The following PPP1R12C variants were observed in gnomAD, a reference collection of about 807,000 sequenced individuals.
The protein encoded by PPP1R12C is protein phosphatase 1 regulatory subunit 12C.
In PPP1R12C, 48 loss-of-function variants were observed where a neutral mutation model predicts 95.6. The ratio of observed to expected loss-of-function variants is 0.50; its 90% CI spans 0.40 to 0.64. The LOEUF (loss-of-function observed/expected upper bound fraction) is 0.64, where lower values mean the gene tolerates loss of function less well. Among genes scored for constraint, PPP1R12C ranks in the 30% least tolerant of loss-of-function variants. The probability of loss-of-function intolerance (pLI) is 0.00; values close to 1 mark genes in which losing one functional copy is unlikely to be tolerated. For synonymous variants in PPP1R12C, 480 were observed against 460.8 expected (o/e 1.04, Z -0.53); for missense variants, 1,057 against 1,083.3 (o/e 0.98, Z 0.34).
intron 4 of PPP1R12C, among the ~76,000 whole-genome samples, chr19:55,102,014 C>A (rs528313186): frequency 1.3e-5 from 2 of 151,676 alleles, no homozygotes; most frequent in Admixed American, 1.3e-4. Context: ...GGGAGGAATT[C>A]ATGTTAACTT....
Position 55,098,957 on chromosome 19 carries a change from GGTCA to G in PPP1R12C, c.866_869del (p.Leu289ProfsTer16), listed in dbSNP as rs764590393. 4 of 1,579,286 alleles carry G rather than the reference GGTCA, an allele frequency of 2.5e-6. No homozygotes were observed. The highest frequency in any genetic ancestry group is 1.8e-5 in the Admixed American group (1 of 54,554). On this transcript the variant is annotated frameshift_variant, in exon 5 of 22. Coordinates refer to ENST00000263433, the MANE Select transcript of PPP1R12C (RefSeq NM_017607.4). LOFTEE classifies it high-confidence loss of function. ...CCTGGGCACTGGCCCTCACCGCATG[GGTCA>G]GTGAGTCCATGCCCCCGCCATGCTC...
At chr19:55,110,138 C>T (rs2085079544) in intron 3 of PPP1R12C, among the ~76,000 whole-genome samples, 1 of 152,020 alleles carries the variant, frequency 6.6e-6, no homozygotes, top group Non-Finnish European at 1.5e-5. Context: ...TCCCGGCCTC[C>T]CTGGGGTCCA....
At position 55,095,898 on chromosome 19, in the gene PPP1R12C, G is replaced by C. The variant is rs539068589; in HGVS notation, c.1196C>G (p.Ser399Cys). 57 of 1,613,598 alleles carry C rather than the reference G, an allele frequency of 3.5e-5. No individual in the cohort carries two copies. In the South Asian group the frequency reaches 6.0e-4, roughly 17 times the overall value. Residue 399 changes from serine to cysteine, a missense_variant, in exon 9 of 22, where the codon TCC becomes TGC. Ser to Cys is a moderately radical substitution (Grantham distance 112). Coordinates refer to ENST00000263433, the MANE Select transcript of PPP1R12C (RefSeq NM_017607.4). ...AEPRTLNGVSSPPHPSPKSPV... is the reference protein window; with the variant it reads ...AEPRTLNGVSCPPHPSPKSPV... ...ACTCTTAGGGCTGGGGTGCGGCGGG[G>C]AGGAGACGCCATTGAGGGTTCTGGG... is the stretch of plus-strand genomic sequence containing the variant.
Position 55,096,057 on chromosome 19 carries a change from G to A in PPP1R12C, c.1147C>T (p.Pro383Ser). The change falls in exon 8 of 22, where the codon CCC (proline) becomes TCC (serine). Residue 383 changes from proline to serine, a missense_variant. Physicochemically the swap from Pro to Ser is moderately conservative, Grantham distance 74. Transcript: ENST00000263433. ...CCAGATTCAGGCCCCTCACCGGTGG[G>A]ACCTTCTTCCCCCTCATCCTCGTCC... ...IQDEDEGEEG[P>S]TEPPPAEPRT... is the part of the protein sequence containing the mutation. The A allele has an allele frequency of 6.2e-7, 1 of 1,609,688 alleles. No individual in the cohort carries two copies. Among genetic ancestry groups the A allele is most frequent in the Non-Finnish European group, 8.5e-7 (1 of 1,179,170 alleles).
chr19:55,095,229 G>A lies in PPP1R12C; in HGVS notation c.1454+62C>T, dbSNP rs533356952. On this transcript the variant is annotated intron_variant, in intron 11 of 21. Coordinates refer to ENST00000263433, the MANE Select transcript of PPP1R12C (RefSeq NM_017607.4). ...TACATGGTCTCACTCAGGATCACAC[G>A]GACAGGCTTGGAACCCACATCTGCC... 5.7e-5 allele frequency: 85 copies of A among 1,481,020 alleles called. No individual in the cohort carries two copies. The East Asian group carries it at 1.8e-3, about 31-fold the overall frequency. The allele number at this position is 1,481,020 out of a possible 1,614,324, so 91.7% of individuals were successfully genotyped here. A position where few individuals can be genotyped will look rare whatever the true frequency, so the allele number is the denominator to read the frequency against.
In PPP1R12C at chr19:55,103,575, G is replaced by C. The variant is rs370969992; in HGVS notation, c.572-7C>G. 3 of 1,562,030 alleles carry C rather than the reference G, an allele frequency of 1.9e-6. No individual in the cohort carries two copies. The highest frequency in any genetic ancestry group is 1.7e-6 in the Non-Finnish European group (2 of 1,144,178). ...GCTGCTTCCACATCCACACCTAGGA[G>C]GATAAGAGGCACGAGGTAGGACTCA... On this transcript the variant is annotated splice_region_variant and splice_polypyrimidine_tract_variant and intron_variant, in intron 3 of 21. Transcript: ENST00000263433.
rs1230637002 is a variant in PPP1R12C at position 55,104,157 on chromosome 19, TGTCTA to T, written c.572-594_572-590del. On this transcript the variant is annotated intron_variant, in intron 3 of 21. Transcript: ENST00000263433. ...CAGCCTGGGCAACACAGTGAGACTC[TGTCTA>T]AAAAAAAAAAAAAAAAAGTATATAT... is the stretch of plus-strand genomic sequence containing the variant. Among the ~76,000 whole-genome samples the T allele has an allele frequency of 1.0e-4, 9 of 88,826 alleles. No homozygotes were observed. The East Asian group carries it at 3.5e-3, about 35-fold the overall frequency. The allele number at this position is 88,826 out of a possible 152,430, so 58.3% of individuals were successfully genotyped here. A position where few individuals can be genotyped will look rare whatever the true frequency, so the allele number is the denominator to read the frequency against.
Position 55,117,620 on chromosome 19 carries a change from CG to C in PPP1R12C, c.-78del. On this transcript the variant is annotated 5_prime_UTR_variant, in exon 1 of 22. Transcript: ENST00000263433. ...CCACCACCCGCCCGCCCGCCCGCCC[CG>C]GGGGCCGCCGGGAACTGCCGCTGGC... 1 of 893,670 alleles carries C rather than the reference CG, an allele frequency of 1.1e-6. No homozygotes were observed. The highest frequency in any genetic ancestry group is 1.3e-6 in the Non-Finnish European group (1 of 750,028). The allele number at this position is 893,670 out of a possible 1,614,324, so 55.4% of individuals were successfully genotyped here.
At position 55,117,605 on chromosome 19, in the gene PPP1R12C, C is replaced by CCCGCCCGCCCGCCCCGGGGG; in HGVS notation, c.-82_-63dup. On this transcript the variant is annotated 5_prime_UTR_variant, in exon 1 of 22. Transcript: ENST00000263433. ...GAGCCCCAACCGCCGCCACCACCCG[C>CCCGCCCGCCCGCCCCGGGGG]CCGCCCGCCCGCCCCGGGGGCCGCC... 1 of 915,994 alleles carries CCCGCCCGCCCGCCCCGGGGG rather than the reference C, an allele frequency of 1.1e-6. No homozygotes were observed. The highest frequency in any genetic ancestry group is 1.3e-6 in the Non-Finnish European group (1 of 779,554). The allele number at this position is 915,994 out of a possible 1,614,324, so 56.7% of individuals were successfully genotyped here.
At chr19:55,113,125 A>T (rs1603008257) in intron 1 of PPP1R12C, 1 of 510,242 alleles carries the variant, frequency 2.0e-6, no homozygotes, top group Non-Finnish European at 3.5e-6. Flanking sequence ...CCCCGTCACC[A>T]CCCACAGGTG....
Position 55,105,941 on chromosome 19 carries a change from T to TA in PPP1R12C, c.572-2374dup, listed in dbSNP as rs879751133. Among the ~76,000 whole-genome samples, 934 of 138,972 alleles carry TA rather than the reference T, an allele frequency of 6.7e-3. 9 individuals are homozygous for TA. Among genetic ancestry groups the TA allele is most frequent in the African/African-American group, 0.014 (543 of 37,916 alleles). 91.2% of individuals were successfully genotyped at this position (138,972 alleles called of 152,430 possible). ...TGGGAGGCAGCGTGAGATCCTGTCTTAAAAAAAAAAAAAAAGTCACTTCTC... is the reference window on the plus strand; with the variant it reads ...TGGGAGGCAGCGTGAGATCCTGTCTTAAAAAAAAAAAAAAAAGTCACTTCTC... On this transcript the variant is annotated intron_variant, in intron 3 of 21. Transcript: ENST00000263433.
chr19:55,093,306 CCAGGCCCCAGCCCCTCCTCCCT>C lies in PPP1R12C; in HGVS notation c.1684-95_1684-74del. ...CCCCTCCTCCCTCAGACCCAGGAGCCCAGGCCCCAGCCCCTCCTCCCTCAGACCCAGGAGCCCAGACCCCAGC... is the reference window on the plus strand; with the variant it reads ...CCCCTCCTCCCTCAGACCCAGGAGCCCAGACCCAGGAGCCCAGACCCCAGC... On this transcript the variant is annotated intron_variant, in intron 13 of 21. Coordinates refer to ENST00000263433, the MANE Select transcript of PPP1R12C (RefSeq NM_017607.4). 4.7e-6 allele frequency: 6 copies of C among 1,280,038 alleles called. No homozygotes were observed. In the African/African-American group the frequency reaches 9.0e-5, roughly 19 times the overall value. The allele number at this position is 1,280,038 out of a possible 1,614,324, so 79.3% of individuals were successfully genotyped here. A position where few individuals can be genotyped will look rare whatever the true frequency, so the allele number is the denominator to read the frequency against.
At chr19:55,110,039 T>C (rs1292660920) in intron 3 of PPP1R12C, among the ~76,000 whole-genome samples, 5 of 152,168 alleles carry the variant, frequency 3.3e-5, no homozygotes, top group Non-Finnish European at 7.3e-5. Flanking sequence ...GGAAGAAGCA[T>C]GGCCCCCTCT....
intron 3 of PPP1R12C, 120 bp downstream of exon 3, chr19:55,112,347 G>A (rs1223131105): frequency 5.6e-6 from 5 of 888,018 alleles, no homozygotes; most frequent in Admixed American, 2.8e-5. Context: ...GAGGCACAAA[G>A]AAAGACAATC....
In PPP1R12C at chr19:55,092,373, G is replaced by A. The variant is rs780420864; in HGVS notation, c.2056-47C>T. 37 of 1,561,694 alleles carry A rather than the reference G, an allele frequency of 2.4e-5. No homozygotes were observed. In the East Asian group the frequency reaches 8.0e-4, roughly 34 times the overall value. ...GTCAGGTGGAGGATGGGGCGATGCT[G>A]GGGGGGCGGGGAAGCCAGGAAGCTG... On this transcript the variant is annotated intron_variant, in intron 18 of 21. Coordinates refer to ENST00000263433, the MANE Select transcript of PPP1R12C (RefSeq NM_017607.4).
chr19:55,091,379 C>T lies in PPP1R12C; in HGVS notation c.*93G>A. 7.7e-7 allele frequency: 1 copy of T among 1,302,828 alleles called. No individual in the cohort carries two copies. Among genetic ancestry groups the T allele is most frequent in the East Asian group, 2.5e-5 (1 of 39,940 alleles). 80.7% of individuals were successfully genotyped at this position (1,302,828 alleles called of 1,614,324 possible). On this transcript the variant is annotated 3_prime_UTR_variant, in exon 22 of 22. Transcript: ENST00000263433. ...GGGGCTATGGCTTCTCTGAGACTTC[C>T]CCCGGAGCCCTGTCACTCGTGTTCA...
At chr19:55,102,297 T>C (rs1487323102) in intron 4 of PPP1R12C, among the ~76,000 whole-genome samples, 2 of 152,196 alleles carry the variant, frequency 1.3e-5, no homozygotes, top group African/African-American at 4.8e-5. Context: ...GGAGATTACC[T>C]GAGGTCAGGA....
chr19:55,110,662 C>A (rs2085085754), intron 3 of PPP1R12C, among the ~76,000 whole-genome samples: 1 of 152,094 alleles, frequency 6.6e-6, no homozygotes, highest in Admixed American at 6.6e-5. Context: ...CGCCTGAGGT[C>A]AGGAGTTGGA....
chr19:55,098,273 G>A (rs1266663884), intron 6 of PPP1R12C, among the ~76,000 whole-genome samples: 6 of 152,216 alleles, frequency 3.9e-5, no homozygotes, highest in Non-Finnish European at 1.5e-5. Flanking sequence ...GGAAACTGAG[G>A]CCCGGAAAGG....
Sources: gnomAD v4.1 joint callset for allele counts (sites outside exome capture counted in the v4.1 genomes callset) on GRCh38, gnomAD v4.1.1 for gene constraint, MANE v1.5 for transcripts, NCBI Gene and HGNC (gene_info 2026-07-23, HGNC 2026-07-21) for gene names.